The following C10orf90 variants were observed in gnomAD, a reference collection of about 807,000 sequenced individuals.
C10orf90 encodes (E2-independent) E3 ubiquitin-conjugating enzyme FATS.
In C10orf90, 56 loss-of-function variants were observed where a neutral mutation model predicts 62.5. That is an observed-to-expected ratio of 0.90 (90% CI 0.72 to 1.12). The LOEUF is 1.12. Among genes scored for constraint, C10orf90 ranks in the 50% most tolerant of loss-of-function variants. C10orf90 has a pLI of 0.00. For synonymous variants in C10orf90, 386 were observed against 340.4 expected (o/e 1.13, Z -1.47); for missense variants, 970 against 880.4 (o/e 1.10, Z -1.29).
At chr10:126,603,789 G>A (rs115184762) in intron 2 of C10orf90, among the ~76,000 whole-genome samples, 1,667 of 152,264 alleles carry the variant, frequency 0.011, 27 homozygotes, top group African/African-American at 0.034. Flanking sequence ...CTCCCAGGCC[G>A]AAAAGGCCTC....
At chr10:126,496,821 A>G in intron 4 of C10orf90, 2 of 586,154 alleles carry the variant, frequency 3.4e-6, no homozygotes, top group Non-Finnish European at 4.3e-6. Flanking sequence ...CCTGTCCTCC[A>G]CCCAGCCCAC....
At chr10:126,499,789 G>A (rs1050766690) in intron 4 of C10orf90, among the ~76,000 whole-genome samples, 4 of 152,060 alleles carry the variant, frequency 2.6e-5, no homozygotes, top group Admixed American at 6.6e-5. Flanking sequence ...ACCATAGAAC[G>A]CGAACGCAAA....
At chr10:126,631,709 C>G (rs1430784959) in intron 2 of C10orf90, among the ~76,000 whole-genome samples, 1 of 151,908 alleles carries the variant, frequency 6.6e-6, no homozygotes, top group Non-Finnish European at 1.5e-5. Flanking sequence ...TTGCAGAACA[C>G]CACCAGCACC....
At chr10:126,663,802 T>A (rs1272120577) in intron 1 of C10orf90, among the ~76,000 whole-genome samples, 3 of 152,172 alleles carry the variant, frequency 2.0e-5, no homozygotes, top group Non-Finnish European at 4.4e-5. Context: ...TTTAAAAACA[T>A]AGATTTCTGG....
chr10:126,425,775 A>G lies in C10orf90; in HGVS notation c.*89T>C, dbSNP rs971704344. ...TCGAAAGTAAAATAAGTGTTTTCCCATGATGAAGATAATGCTAAGTTTAAT... is the reference window on the plus strand; with the variant it reads ...TCGAAAGTAAAATAAGTGTTTTCCCGTGATGAAGATAATGCTAAGTTTAAT... On this transcript the variant is annotated 3_prime_UTR_variant, in exon 10 of 10. Transcript: ENST00000488181. 1 of 1,338,902 alleles carries G rather than the reference A, an allele frequency of 7.5e-7. No homozygotes were observed. The highest frequency in any genetic ancestry group is 1.0e-6 in the Non-Finnish European group (1 of 977,434). The allele number at this position is 1,338,902 out of a possible 1,614,324, so 82.9% of individuals were successfully genotyped here.
intron 2 of C10orf90, among the ~76,000 whole-genome samples, chr10:126,641,697 T>C (rs562689307): frequency 6.6e-6 from 1 of 152,228 alleles, no homozygotes; most frequent in African/African-American, 2.4e-5. Context: ...TTTTGTAACA[T>C]GCAGAATGGG....
At chr10:126,639,795 T>C (rs1846024157) in intron 2 of C10orf90, among the ~76,000 whole-genome samples, 1 of 152,224 alleles carries the variant, frequency 6.6e-6, no homozygotes, top group Admixed American at 6.5e-5. Flanking sequence ...TTTTACCAAT[T>C]ACTTTTTAAA....
rs145217833 is a variant in C10orf90, at chr10:126,465,987, T to C, written c.1535-1001A>G. Among the ~76,000 whole-genome samples the C allele has an allele frequency of 3.4e-3, 524 of 152,244 alleles. 2 individuals are homozygous for C. The highest frequency in any genetic ancestry group is 0.012 in the African/African-American group (490 of 41,544). ...GGAGAGGGCAATGTAACACTAGGAA[T>C]TGGGAGTGGAAGACAGGCTTTCTTT... On this transcript the variant is annotated intron_variant, in intron 4 of 9. Transcript: ENST00000488181.
chr10:126,504,379 G>C lies in C10orf90; in HGVS notation c.1112C>G (p.Pro371Arg). 3 of 1,614,196 alleles carry C rather than the reference G, an allele frequency of 1.9e-6. No homozygotes were observed. Among genetic ancestry groups the C allele is most frequent in the Non-Finnish European group, 2.5e-6 (3 of 1,180,030 alleles). ...IYYVDKSLSV[P>R]IEPPQIASPK... ...GCTGGCAATTTGAGGTGGCTCAATG[G>C]GGACGGAGAGAGACTTGTCTACGTA... Residue 371 changes from proline (P) to arginine (R), a missense_variant, in exon 4 of 10, where the codon CCC (proline) becomes CGC (arginine). Pro to Arg is a moderately radical substitution (Grantham distance 103). Coordinates refer to ENST00000488181, the MANE Select transcript of C10orf90 (RefSeq NM_001350921.2). This position sits in a 1 kb window ranked among gnomAD's most constrained non-coding sequence, Gnocchi z 4.1.
intron 2 of C10orf90, among the ~76,000 whole-genome samples, chr10:126,525,219 C>T (rs189058256): frequency 6.6e-5 from 10 of 152,272 alleles, no homozygotes; most frequent in Admixed American, 1.3e-4. Context: ...AAAAATGGGA[C>T]GTCCTTGAAA....
intron 1 of C10orf90, among the ~76,000 whole-genome samples, chr10:126,664,756 A>C (rs1402908738): frequency 6.6e-6 from 1 of 152,140 alleles, no homozygotes; most frequent in Non-Finnish European, 1.5e-5. Context: ...AATACTGTCC[A>C]TTGTAGCGAG....
chr10:126,622,339 C>A (rs1564896439), intron 2 of C10orf90, among the ~76,000 whole-genome samples: 2 of 152,122 alleles, frequency 1.3e-5, no homozygotes, highest in Non-Finnish European at 2.9e-5. Context: ...TCTTCATCAC[C>A]CCTGCCCACT....
At chr10:126,466,329 C>T (rs1305800899) in intron 4 of C10orf90, among the ~76,000 whole-genome samples, 4 of 151,684 alleles carry the variant, frequency 2.6e-5, no homozygotes, top group African/African-American at 4.8e-5. Flanking sequence ...CTGGCTAACA[C>T]GGTGAAATCC....
At chr10:126,551,395 A>G (rs1012778659) in intron 2 of C10orf90, among the ~76,000 whole-genome samples, 1 of 152,224 alleles carries the variant, frequency 6.6e-6, no homozygotes, top group Admixed American at 6.5e-5. Context: ...GTCCTTGTGC[A>G]ATGTACTGGG....
chr10:126,637,893 G>A (rs1443084688), intron 2 of C10orf90, among the ~76,000 whole-genome samples: 2 of 152,222 alleles, frequency 1.3e-5, no homozygotes, highest in Admixed American at 1.3e-4. Context: ...AGATGGAGAT[G>A]AGAATGAGGA....
chr10:126,541,880 CA>C (rs1423320324), intron 2 of C10orf90, among the ~76,000 whole-genome samples: 1 of 152,192 alleles, frequency 6.6e-6, no homozygotes, highest in Non-Finnish European at 1.5e-5. Context: ...ACAAAGTGTT[CA>C]CATCAGCACT....
At chr10:126,540,975 A>C (rs1000220173) in intron 2 of C10orf90, among the ~76,000 whole-genome samples, 2 of 152,228 alleles carry the variant, frequency 1.3e-5, no homozygotes, top group African/African-American at 4.8e-5. Flanking sequence ...TTTAAAATGC[A>C]TTTAAAGTAT....
chr10:126,522,733 C>T (rs937649494), intron 2 of C10orf90: 1 of 152,168 alleles, frequency 6.6e-6, no homozygotes, highest in Non-Finnish European at 1.5e-5. Flanking sequence ...CAGGTGTCAC[C>T]CCTCCAGTAA....
chr10:126,450,358 T>C (rs369064631), intron 7 of C10orf90, among the ~76,000 whole-genome samples: 4 of 152,214 alleles, frequency 2.6e-5, no homozygotes, highest in African/African-American at 7.2e-5. Context: ...TTAAAATTCA[T>C]ATGAATCTGC....
Sources: gnomAD v4.1 joint callset for allele counts (sites outside exome capture counted in the v4.1 genomes callset) on GRCh38, gnomAD v4.1.1 for gene constraint, Gnocchi (gnomAD v3.1) non-coding constraint, MANE v1.5 for transcripts, NCBI Gene and HGNC (gene_info 2026-07-23, HGNC 2026-07-21) for gene names.